The following ARVCF variants were observed in gnomAD, a reference collection of about 807,000 sequenced individuals.
ARVCF encodes the protein ARVCF delta catenin family member, also known as splicing regulator ARVCF.
In ARVCF, 66 loss-of-function variants were observed where a neutral mutation model predicts 90.9. That is an observed-to-expected ratio of 0.73 (90% CI 0.60 to 0.89). The LOEUF (loss-of-function observed/expected upper bound fraction) is 0.89. Among genes scored for constraint, ARVCF ranks in the 40% least tolerant of loss-of-function variants. ARVCF has a pLI of 0.00. For synonymous variants in ARVCF, 653 were observed against 603.4 expected, an observed-to-expected ratio of 1.08 and a Z score of -1.21; for missense variants, 1,469 against 1,382.3, an observed-to-expected ratio of 1.06 and a Z score of -1.00.
Position 19,979,983 on chromosome 22 carries a change from A to G in ARVCF, c.1156T>C (p.Cys386Arg). The G allele has an allele frequency of 6.3e-7, 1 of 1,596,238 alleles. No individual in the cohort carries two copies. The highest frequency in any genetic ancestry group is 8.5e-7 in the Non-Finnish European group (1 of 1,171,968). ...ANAAAYLQHL[C>R]FENEGVKRRV... ...CGCTTGACACCCTCGTTCTCAAAGCACAGATGCTGCAGGTAGGCGGCCGCA... is the reference window on the plus strand; with the variant it reads ...CGCTTGACACCCTCGTTCTCAAAGCGCAGATGCTGCAGGTAGGCGGCCGCA... Residue 386 changes from cysteine (C) to arginine (R), a missense_variant, in exon 6 of 20, where the codon TGC (cysteine) becomes CGC (arginine). Transcript: ENST00000263207.
intron 1 of ARVCF, among the ~76,000 whole-genome samples, chr22:20,011,954 T>C (rs1944848401): frequency 6.6e-6 from 1 of 152,044 alleles, no homozygotes; most frequent in South Asian, 2.1e-4. Context: ...GTCATCTCAC[T>C]GACTCTACCA....
In ARVCF at chr22:19,980,082, G is replaced by A. The variant is rs1179130091; in HGVS notation, c.1057C>T (p.Pro353Ser). The change falls in exon 6 of 20, where the codon CCG (proline) becomes TCG (serine). Residue 353 changes from proline to serine, a missense_variant. Physicochemically the swap from Pro to Ser is moderately conservative, Grantham distance 74 (BLOSUM62 -1). Coordinates refer to ENST00000263207, the MANE Select transcript of ARVCF (RefSeq NM_001670.3). ...GGCAGCTCAGGGTCCCGCCAGCGCG[G>A]CTCCTTGCGGGCGCTATCCACTGAG... is the stretch of plus-strand genomic sequence containing the variant. ...SPSVDSARKE[P>S]RWRDPELPEV... is the part of the protein sequence containing the mutation. 41 of 1,582,316 alleles carry A rather than the reference G, an allele frequency of 2.6e-5. No individual in the cohort carries two copies. The highest frequency in any genetic ancestry group is 3.4e-5 in the Non-Finnish European group (40 of 1,165,642).
At chr22:20,009,921 G>A (rs1944764460) in intron 2 of ARVCF, among the ~76,000 whole-genome samples, 1 of 152,268 alleles carries the variant, frequency 6.6e-6, no homozygotes, top group South Asian at 2.1e-4. Context: ...TACAATGGCA[G>A]AGAACTGCAG....
rs1417446806 is a variant in ARVCF at position 19,974,084 on chromosome 22, G to T, written c.2088+28C>A. 14 of 1,588,312 alleles carry T rather than the reference G, an allele frequency of 8.8e-6. No homozygotes were observed. The Admixed American group carries it at 2.4e-4, about 27-fold the overall frequency. On this transcript the variant is annotated intron_variant, in intron 12 of 19. Coordinates refer to ENST00000263207, the MANE Select transcript of ARVCF (RefSeq NM_001670.3). ...CCTGGGATTCCCTCTCTCAGGACTTGCCCACCCTGCCCGACCTGGTCCCTC... is the reference window on the plus strand; with the variant it reads ...CCTGGGATTCCCTCTCTCAGGACTTTCCCACCCTGCCCGACCTGGTCCCTC...
At position 19,970,636 on chromosome 22, in the gene ARVCF, G is replaced by A. The variant is rs988419728; in HGVS notation, c.*120C>T. 11 of 1,279,476 alleles carry A rather than the reference G, an allele frequency of 8.6e-6. No individual in the cohort carries two copies. The highest frequency in any genetic ancestry group is 6.1e-5 in the African/African-American group (4 of 65,356). 79.3% of individuals were successfully genotyped at this position (1,279,476 alleles called of 1,614,324 possible). A position where few individuals can be genotyped will look rare whatever the true frequency, so the allele number is the denominator to read the frequency against. Reference sequence around the variant, plus strand: ...AAGTCAGGCTTGGCTGGGGCGAGGCGCTGCCAACCCCTGCCGCCAGGGGGC... The same window carrying A: ...AAGTCAGGCTTGGCTGGGGCGAGGCACTGCCAACCCCTGCCGCCAGGGGGC... On this transcript the variant is annotated 3_prime_UTR_variant, in exon 20 of 20. Coordinates refer to ENST00000263207, the MANE Select transcript of ARVCF (RefSeq NM_001670.3).
At chr22:19,975,603 T>C in intron 11 of ARVCF, 83 bp downstream of exon 11, 4 of 1,537,454 alleles carry the variant, frequency 2.6e-6, no homozygotes, top group Non-Finnish European at 3.6e-6. Flanking sequence ...CCAGGCCTGC[T>C]TGATGGCTCA....
intron 2 of ARVCF, among the ~76,000 whole-genome samples, chr22:19,995,250 G>A (rs1400050892): frequency 1.3e-5 from 2 of 152,022 alleles, no homozygotes; most frequent in African/African-American, 4.8e-5. Context: ...GAAGGTGGCT[G>A]GATGGATACG....
rs779111860 is a variant in ARVCF, at chr22:19,978,041, G to A, written c.1615C>T (p.Arg539Ter). 29 of 1,610,796 alleles carry A rather than the reference G, an allele frequency of 1.8e-5. No individual in the cohort carries two copies. The highest frequency in any genetic ancestry group is 2.4e-5 in the Non-Finnish European group (28 of 1,178,976). Residue 539 changes from arginine (R) to a stop codon, truncating the protein, a stop_gained, in exon 8 of 20, where the codon CGA becomes TGA. Transcript: ENST00000263207. LOFTEE classifies it high-confidence loss of function. The part of the protein sequence containing the change: ...VSSDGAEARR[R>*]LRECEGLVDA... ...ACCAGCCCTTCACACTCCCGGAGTC[G>A]CCGCCGGGCCTCAGCACCATCGGAG...
At chr22:19,968,428 G>A (rs969145196), downstream of ARVCF, 1 of 1,101,220 alleles carries the variant, frequency 9.1e-7, no homozygotes, top group Non-Finnish European at 1.4e-6. Flanking sequence ...CCAGGGGCTA[G>A]GCACAGGCGT....
intron 11 of ARVCF, among the ~76,000 whole-genome samples, chr22:19,974,742 C>T (rs1295587905): frequency 6.6e-6 from 1 of 152,042 alleles, no homozygotes; most frequent in Non-Finnish European, 1.5e-5. Context: ...GGCCCACCCT[C>T]CCCCACTGAC....
chr22:20,006,565 C>T lies in ARVCF; in HGVS notation c.-19+3890G>A, dbSNP rs375426955. On this transcript the variant is annotated intron_variant, in intron 2 of 19. Coordinates refer to ENST00000263207, the MANE Select transcript of ARVCF (RefSeq NM_001670.3). ...CTGCACTCCAGCCTGGGCGGTAGAG[C>T]GTGACTCTGTCTCAAAAAAAAAAAA... Among the ~76,000 whole-genome samples the T allele has an allele frequency of 8.4e-5, 9 of 106,776 alleles. No individual in the cohort carries two copies. In the East Asian group the frequency reaches 1.5e-3, roughly 18 times the overall value. 70.0% of individuals were successfully genotyped at this position (106,776 alleles called of 152,430 possible).
chr22:20,004,317 C>T (rs912987329), intron 2 of ARVCF, among the ~76,000 whole-genome samples: 2 of 152,000 alleles, frequency 1.3e-5, no homozygotes, highest in Admixed American at 1.3e-4. Flanking sequence ...AGATTCAGTG[C>T]AATTCCTATT....
intron 5 of ARVCF, 55 bp downstream of exon 5, chr22:19,981,156 G>A (rs1161703372): frequency 1.4e-6 from 2 of 1,461,502 alleles, no homozygotes; most frequent in Middle Eastern, 2.3e-4. Context: ...GTAGTTGGGG[G>A]GTGGAGGGCA....
rs781418631 is a variant in ARVCF at position 19,977,565 on chromosome 22, T to G, written c.1720A>C (p.Ile574Leu). Residue 574 changes from isoleucine (I) to leucine (L), a missense_variant, in exon 9 of 20, where the codon ATC becomes CTC. Transcript: ENST00000263207. ...DNKSVENCVC[I>L]MRNLSYHVHK... ...ACGTGGTAGGACAGGTTCCGCATGA[T>G]GCACACGCAGTTCTCCACCGACTGC... 6.4e-7 allele frequency: 1 copy of G among 1,554,330 alleles called. No homozygotes were observed. Among genetic ancestry groups the G allele is most frequent in the African/African-American group, 1.4e-5 (1 of 72,872 alleles).
At position 19,975,279 on chromosome 22, in the gene ARVCF, G is replaced by A. The variant is rs889246772; in HGVS notation, c.1960+407C>T. ...CACTGCCCTGTCCCTGCAGGTGTTC[G>A]TCTGGCCCAGCCTCTGAACCTGGAT... is the stretch of plus-strand genomic sequence containing the variant. On this transcript the variant is annotated intron_variant, in intron 11 of 19. Coordinates refer to ENST00000263207, the MANE Select transcript of ARVCF (RefSeq NM_001670.3). Among the ~76,000 whole-genome samples, 4 of 152,300 alleles carry A rather than the reference G, an allele frequency of 2.6e-5. 1 individual carries two copies. Among genetic ancestry groups the A allele is most frequent in the Middle Eastern group, 6.8e-3 (2 of 294 alleles).
intron 11 of ARVCF, among the ~76,000 whole-genome samples, chr22:19,974,990 A>T (rs1943069762): frequency 6.6e-6 from 1 of 152,136 alleles, no homozygotes; most frequent in Non-Finnish European, 1.5e-5. Context: ...GTACCCACCC[A>T]GTGACATTTC....
At chr22:19,969,794 T>C, downstream of ARVCF, 1 of 975,240 alleles carries the variant, frequency 1.0e-6, no homozygotes, top group Non-Finnish European at 1.2e-6. Flanking sequence ...GATGGGCACC[T>C]GGGACCACCT....
rs1407188699 is a variant in ARVCF, at chr22:19,971,966, A to G, written c.2701T>C (p.Tyr901His). 8.7e-6 allele frequency: 14 copies of G among 1,609,846 alleles called. No homozygotes were observed. Among genetic ancestry groups the G allele is most frequent in the Non-Finnish European group, 1.0e-5 (12 of 1,178,276 alleles). The part of the protein sequence containing the change: ...IPMDALGPDG[Y>H]STVDRRERRP... ...CGCTCCCTCCGGTCCACCGTGGAGT[A>G]TCCGTCTGTAGATGGGGTAAGGTGG... Residue 901 changes from tyrosine to histidine, a missense_variant, in exon 18 of 20, where the codon TAC becomes CAC. Coordinates refer to ENST00000263207, the MANE Select transcript of ARVCF (RefSeq NM_001670.3).
chr22:19,968,733 C>G (rs1165684919), downstream of ARVCF: 1 of 1,568,898 alleles, frequency 6.4e-7, no homozygotes, highest in East Asian at 2.3e-5. Context: ...AAGCAGGGCC[C>G]TGACTGCCCC....
Sources: allele counts gnomAD v4.1 joint callset (sites outside exome capture counted in the v4.1 genomes callset), GRCh38; gene constraint gnomAD v4.1.1; transcripts MANE v1.5; gene names NCBI Gene and HGNC (gene_info 2026-07-23, HGNC 2026-07-21).